The following MICAL2 variants were observed in gnomAD, a reference collection of about 807,000 sequenced individuals.
The protein encoded by MICAL2 is [F-actin]-monooxygenase MICAL2.
Under a neutral mutation model 127.3 loss-of-function variants are expected in MICAL2, and 77 were observed. That is an observed-to-expected ratio of 0.60 (90% CI 0.50 to 0.73). The LOEUF is 0.73. MICAL2 is among the 30% of genes least tolerant of loss of function. The pLI, the probability that MICAL2 is intolerant of heterozygous loss-of-function variation, is 0.00. For missense variants in MICAL2, 1,351 were observed against 1,434.4 expected (o/e 0.94, Z 0.94); for synonymous variants, 570 against 551.1 (o/e 1.03, Z -0.48).
intron 1 of MICAL2, among the ~76,000 whole-genome samples, chr11:12,124,170 T>C (rs1459892641): frequency 6.6e-6 from 1 of 152,164 alleles, no homozygotes; most frequent in Non-Finnish European, 1.5e-5. Context: ...ACTTGTTAAA[T>C]TCAGTGCAGC....
chr11:12,150,770 A>G (rs1853489122), intron 2 of MICAL2, among the ~76,000 whole-genome samples: 1 of 152,206 alleles, frequency 6.6e-6, no homozygotes, highest in Non-Finnish European at 1.5e-5. Flanking sequence ...GGTGCCGGGC[A>G]GAGACTTGGT....
intron 32 of MICAL2, among the ~76,000 whole-genome samples, chr11:12,347,451 G>T (rs748910462): frequency 2.6e-5 from 4 of 152,084 alleles, no homozygotes; most frequent in Non-Finnish European, 4.4e-5. Context: ...AGTACCTAAG[G>T]CAATACCAAC....
chr11:12,255,722 C>G lies in MICAL2; in HGVS notation c.2927C>G (p.Pro976Arg), dbSNP rs765365454. The G allele has an allele frequency of 4.3e-6, 7 of 1,613,922 alleles. No homozygotes were observed. The East Asian group carries it at 1.6e-4, about 36-fold the overall frequency. Residue 976 changes from proline (P) to arginine (R), a missense_variant, in exon 23 of 28, where the codon CCT (proline) becomes CGT (arginine). Around this residue, in one of 2 missense-constraint regions of MICAL2, gnomAD observed 752 missense variants for 719.4 expected, o/e 1.05. Coordinates refer to ENST00000683283, the MANE Select transcript of MICAL2 (RefSeq NM_001282663.2). The part of the protein sequence containing the change: ...LVNLYMNDHR[P>R]KAQATSPDLE... ...AATCTGTACATGAATGATCACAGAC[C>G]TAAGGCCCAGGCCACCTCTCCAGAC...
intron 26 of MICAL2, chr11:12,261,818 A>G (rs1040751534): frequency 1.0e-5 from 10 of 985,608 alleles, no homozygotes; most frequent in Non-Finnish European, 1.1e-5. Flanking sequence ...GATGACTTGC[A>G]TTGTGTTTTC....
intron 29 of MICAL2, among the ~76,000 whole-genome samples, chr11:12,312,486 A>G (rs951575515): frequency 6.6e-6 from 1 of 152,136 alleles, no homozygotes; most frequent in African/African-American, 2.4e-5. Context: ...TTCGATCCAC[A>G]GCGTGTTTAG....
Position 12,110,993 on chromosome 11 carries a change from C to A in MICAL2, c.-149+267C>A, listed in dbSNP as rs1360246252. ...CGGCACGCCGAACTACCTCTTACTC[C>A]GCTCCGCAACACCCAAACCCTGCAG... On this transcript the variant is annotated intron_variant, in intron 1 of 27. Transcript: ENST00000683283. The surrounding 1 kb of genome is among the most constrained non-coding windows in gnomAD (Gnocchi z 4.5). Among the ~76,000 whole-genome samples, 1 of 152,318 alleles carries A rather than the reference C, an allele frequency of 6.6e-6. No individual in the cohort carries two copies. Among genetic ancestry groups the A allele is most frequent in the Non-Finnish European group, 1.5e-5 (1 of 68,018 alleles).
intron 26 of MICAL2, chr11:12,261,386 G>A: frequency 2.0e-6 from 2 of 985,470 alleles, no homozygotes; most frequent in Non-Finnish European, 2.4e-6. Context: ...ATATGCATGA[G>A]TAAGGGTAAA....
intron 3 of MICAL2, among the ~76,000 whole-genome samples, chr11:12,188,333 G>A (rs969236676): frequency 3.9e-5 from 6 of 152,102 alleles, no homozygotes; most frequent in African/African-American, 9.7e-5. Context: ...AAAATTGCAC[G>A]TGTGGCTCAC....
chr11:12,318,983 C>G (rs781114477), intron 29 of MICAL2, among the ~76,000 whole-genome samples: 4 of 152,204 alleles, frequency 2.6e-5, no homozygotes, highest in Non-Finnish European at 4.4e-5. Context: ...AACTGCCTTT[C>G]CTGGCATTTG....
downstream of MICAL2, among the ~76,000 whole-genome samples, chr11:12,360,478 A>T (rs1008927527): frequency 6.6e-6 from 1 of 152,224 alleles, no homozygotes; most frequent in Non-Finnish European, 1.5e-5. Context: ...TAAGAAAAAG[A>T]TTTATAACTT....
chr11:12,224,382 C>G, intron 12 of MICAL2: 1 of 359,898 alleles, frequency 2.8e-6, no homozygotes, highest in South Asian at 5.6e-5. Flanking sequence ...CCCTCTGTGA[C>G]TATCTTCCCC....
intron 32 of MICAL2, among the ~76,000 whole-genome samples, chr11:12,349,566 G>T (rs1199484840): frequency 1.3e-5 from 2 of 152,150 alleles, no homozygotes; most frequent in East Asian, 3.8e-4. Context: ...GGTCGTTTGT[G>T]GTGGGATGTT....
intron 29 of MICAL2, among the ~76,000 whole-genome samples, chr11:12,313,761 T>A (rs564171924): frequency 3.3e-5 from 5 of 152,106 alleles, no homozygotes; most frequent in Non-Finnish European, 7.4e-5. Context: ...GAGAGCTTTG[T>A]TTAAAATGTC....
At chr11:12,328,329 G>A (rs941322989) in intron 32 of MICAL2, among the ~76,000 whole-genome samples, 10 of 152,170 alleles carry the variant, frequency 6.6e-5, no homozygotes, top group African/African-American at 1.4e-4. Context: ...AGGGTACAAC[G>A]TGAACAGAAC....
At chr11:12,221,979 G>C (rs528196427) in intron 10 of MICAL2, among the ~76,000 whole-genome samples, 2 of 152,290 alleles carry the variant, frequency 1.3e-5, no homozygotes, top group East Asian at 3.9e-4. Context: ...CAGGACCTTG[G>C]GCCCTGGATG....
intron 30 of MICAL2, among the ~76,000 whole-genome samples, chr11:12,323,147 TGC>T (rs1464528155): frequency 6.6e-6 from 1 of 152,192 alleles, no homozygotes; most frequent in Non-Finnish European, 1.5e-5. Context: ...CACTTCTTTT[TGC>T]TCTTGTGTCT....
intron 1 of MICAL2, among the ~76,000 whole-genome samples, chr11:12,124,658 A>C (rs1332645244): frequency 6.6e-6 from 1 of 152,162 alleles, no homozygotes; most frequent in Non-Finnish European, 1.5e-5. Flanking sequence ...CCTTTTTAAA[A>C]AACAAAACAA....
chr11:12,201,685 G>T (rs2134106121), intron 3 of MICAL2, among the ~76,000 whole-genome samples: 1 of 152,346 alleles, frequency 6.6e-6, no homozygotes, highest in East Asian at 1.9e-4. Flanking sequence ...TCATTGTGGG[G>T]AAGTATCCTT....
At chr11:12,294,749 C>T (rs764347879), downstream of MICAL2, 1 of 1,613,464 alleles carries the variant, frequency 6.2e-7, no homozygotes, top group Non-Finnish European at 8.5e-7. Context: ...TGCGCAGGCC[C>T]TGGAGAAGCT....
Sources: gnomAD v4.1 joint callset for allele counts (sites outside exome capture counted in the v4.1 genomes callset) on GRCh38, gnomAD v4.1.1 for gene constraint, gnomAD v4.1.1 regional missense constraint, Gnocchi (gnomAD v3.1) non-coding constraint, MANE v1.5 for transcripts, NCBI Gene and HGNC (gene_info 2026-07-23, HGNC 2026-07-21) for gene names.